Variants in ANO6 observed in about 807,000 individuals in gnomAD.
ANO6 encodes anoctamin 6, also known as anoctamin-6.
In ANO6, 106 loss-of-function variants were observed where a neutral mutation model predicts 117.5. The ratio of observed to expected loss-of-function variants is 0.90; its 90% CI spans 0.77 to 1.06. The LOEUF is 1.06. Ranked by LOEUF, ANO6 falls within the 50% of genes least tolerant of loss-of-function variation. ANO6 has a pLI of 0.00. For synonymous variants in ANO6, 367 were observed against 385.1 expected (o/e 0.95, Z 0.55); for missense variants, 955 against 1,121.1 (o/e 0.85, Z 2.12).
In ANO6 at chr12:45,235,696, A is replaced by G. The variant is rs899852586; in HGVS notation, c.70+19305A>G. Among the ~76,000 whole-genome samples, 8 of 152,282 alleles carry G rather than the reference A, an allele frequency of 5.3e-5. No individual in the cohort carries two copies. The South Asian group carries it at 1.5e-3, about 28-fold the overall frequency. On this transcript the variant is annotated intron_variant, in intron 1 of 19. Transcript: ENST00000320560. ...GATATTTTCTCAGTCTTGTGCAAAAACAGCTTCAAGAAAAGTCCCCTAGTC... is the reference window on the plus strand; with the variant it reads ...GATATTTTCTCAGTCTTGTGCAAAAGCAGCTTCAAGAAAAGTCCCCTAGTC...
chr12:45,270,652 T>G (rs1938366141), intron 1 of ANO6: 1 of 449,012 alleles, frequency 2.2e-6, no homozygotes, highest in Middle Eastern at 2.9e-4. Context: ...CAGATAATAT[T>G]TGTTGAATTG....
chr12:45,386,451 G>A (rs1291949467), intron 10 of ANO6, among the ~76,000 whole-genome samples: 1 of 152,166 alleles, frequency 6.6e-6, no homozygotes, highest in Non-Finnish European at 1.5e-5. Flanking sequence ...CTAGAATTTA[G>A]GATATTGCCT....
At chr12:45,404,226 C>CT (rs1366116420) in intron 15 of ANO6, among the ~76,000 whole-genome samples, 2 of 152,188 alleles carry the variant, frequency 1.3e-5, no homozygotes, top group African/African-American at 4.8e-5. Context: ...CTTTGACTTA[C>CT]TGTTGTTTTC....
intron 9 of ANO6, among the ~76,000 whole-genome samples, chr12:45,369,482 C>T (rs1302482403): frequency 6.6e-6 from 1 of 151,494 alleles, no homozygotes; most frequent in East Asian, 1.9e-4. Flanking sequence ...CAAATATACC[C>T]CTGTGTGCAT....
Position 45,430,057 on chromosome 12 carries a change from G to A in ANO6, c.*746G>A. 3 of 985,360 alleles carry A rather than the reference G, an allele frequency of 3.0e-6. No individual in the cohort carries two copies. The highest frequency in any genetic ancestry group is 3.6e-6 in the Non-Finnish European group (3 of 829,934). The allele number at this position is 985,360 out of a possible 1,614,324, so 61.0% of individuals were successfully genotyped here. On this transcript the variant is annotated 3_prime_UTR_variant, in exon 20 of 20. Coordinates refer to ENST00000320560, the MANE Select transcript of ANO6 (RefSeq NM_001025356.3). ...ATGTTGACTGCTTTGCAGATCTCAA[G>A]GGAATAAAATGACAAAAGCAGGGAA...
chr12:45,346,926 C>G (rs1941148303), intron 3 of ANO6, 96 bp from the exon 4 acceptor site: 1 of 1,106,628 alleles, frequency 9.0e-7, no homozygotes, highest in African/African-American at 1.5e-5. Context: ...CAGGTCCACG[C>G]TAGTTTGATT....
chr12:45,348,691 G>A, intron 6 of ANO6, 60 bp downstream of exon 6: 1 of 1,257,744 alleles, frequency 8.0e-7, no homozygotes, highest in Non-Finnish European at 1.2e-6. Context: ...GTTGACAATA[G>A]CAAAGGGCTA....
intron 1 of ANO6, among the ~76,000 whole-genome samples, chr12:45,246,099 T>C (rs74080982): frequency 0.01 from 1,582 of 152,314 alleles, 31 homozygotes; most frequent in African/African-American, 0.036. Flanking sequence ...CAAGTCTGCC[T>C]GAGTGTAAGT....
intron 2 of ANO6, among the ~76,000 whole-genome samples, chr12:45,317,445 A>G (rs900229699): frequency 1.3e-5 from 2 of 151,738 alleles, no homozygotes; most frequent in Admixed American, 1.3e-4. Context: ...TGCAAAGGAC[A>G]TGAACTCATC....
In ANO6 at chr12:45,429,286, A is replaced by G. The variant is rs538268710; in HGVS notation, c.2708A>G (p.Asn903Ser). The change falls in exon 20 of 20, where the codon AAC becomes AGC. Residue 903 changes from asparagine to serine, a missense_variant. By Grantham distance (46) the Asn-to-Ser change is conservative. Coordinates refer to ENST00000320560, the MANE Select transcript of ANO6 (RefSeq NM_001025356.3). ...IAERMIEAVDNNLRPKSE is the reference protein window; with the variant it reads ...IAERMIEAVDSNLRPKSE ...GAGCGGATGATAGAAGCAGTAGATA[A>G]CAATTTACGGCCAAAATCAGAATAA... 1 of 1,613,720 alleles carries G rather than the reference A, an allele frequency of 6.2e-7. No individual in the cohort carries two copies.
intron 1 of ANO6, among the ~76,000 whole-genome samples, chr12:45,296,824 G>A (rs1319721556): frequency 3.4e-4 from 52 of 152,124 alleles, no homozygotes; most frequent in Non-Finnish European, 1.3e-4. Flanking sequence ...GACAAAAATA[G>A]GATTAAATAA....
At position 45,228,318 on chromosome 12, in the gene ANO6, ATTATTAGAGATTGG is replaced by A. The variant is rs772293463; in HGVS notation, c.70+11929_70+11942del. ...TTTTTTTTTTTTTTTTTTTTTTTTT[ATTATTAGAGATTGG>A]TCTCACTATGTTGCCCAGCTGGTCC... is the stretch of plus-strand genomic sequence containing the variant. On this transcript the variant is annotated intron_variant, in intron 1 of 19. Coordinates refer to ENST00000320560, the MANE Select transcript of ANO6 (RefSeq NM_001025356.3). The A allele has an allele frequency of 5.4e-3, 634 of 118,100 alleles. 6 individuals carry two copies. The highest frequency in any genetic ancestry group is 0.019 in the South Asian group (200 of 10,478). 7.3% of individuals were successfully genotyped at this position (118,100 alleles called of 1,614,324 possible). A position where few individuals can be genotyped will look rare whatever the true frequency, so the allele number is the denominator to read the frequency against.
intron 1 of ANO6, among the ~76,000 whole-genome samples, chr12:45,296,616 A>G (rs951939615): frequency 1.3e-5 from 2 of 152,196 alleles, no homozygotes; most frequent in East Asian, 1.9e-4. Flanking sequence ...TTTATATACA[A>G]TACTATTCTA....
intron 11 of ANO6, among the ~76,000 whole-genome samples, chr12:45,388,668 A>G (rs1942364670): frequency 6.6e-6 from 1 of 152,212 alleles, no homozygotes; most frequent in Non-Finnish European, 1.5e-5. Flanking sequence ...TTTTTCACGT[A>G]TACTTTCATT....
downstream of ANO6, among the ~76,000 whole-genome samples, chr12:45,436,974 A>AT (rs1388730004): frequency 3.3e-5 from 5 of 152,332 alleles, no homozygotes; most frequent in East Asian, 9.6e-4. Flanking sequence ...CCAAAAAAAA[A>AT]GAAATTCCAC....
chr12:45,314,907 G>T lies in ANO6; in HGVS notation c.150+12814G>T, dbSNP rs1939970877. Reference sequence around the variant, plus strand: ...TATCACAGTGGATGTATTACAGGAGGGTGCCCAAATAGCATTACATGAACA... The same window carrying T: ...TATCACAGTGGATGTATTACAGGAGTGTGCCCAAATAGCATTACATGAACA... On this transcript the variant is annotated intron_variant, in intron 2 of 19. Coordinates refer to ENST00000320560, the MANE Select transcript of ANO6 (RefSeq NM_001025356.3). Among the ~76,000 whole-genome samples, 6 of 152,194 alleles carry T rather than the reference G, an allele frequency of 3.9e-5. No homozygotes were observed. In the South Asian group the frequency reaches 1.0e-3, roughly 26 times the overall value.
chr12:45,402,857 T>A (rs1942829124), intron 13 of ANO6, among the ~76,000 whole-genome samples: 1 of 152,222 alleles, frequency 6.6e-6, no homozygotes, highest in Non-Finnish European at 1.5e-5. Context: ...TGTGGGCTAT[T>A]GTATTCCTAC....
intron 9 of ANO6, among the ~76,000 whole-genome samples, chr12:45,372,919 A>G (rs1322555196): frequency 6.6e-6 from 1 of 152,238 alleles, no homozygotes; most frequent in South Asian, 2.1e-4. Context: ...AGACTGGCAA[A>G]TTGGATAAAG....
At chr12:45,379,273 A>C (rs1942109385) in intron 10 of ANO6, among the ~76,000 whole-genome samples, 1 of 152,224 alleles carries the variant, frequency 6.6e-6, no homozygotes, top group Admixed American at 6.5e-5. Flanking sequence ...GCCTATGAAG[A>C]ATTACCAAAT....
Sources: allele counts gnomAD v4.1 joint callset (sites outside exome capture counted in the v4.1 genomes callset), GRCh38; gene constraint gnomAD v4.1.1; transcripts MANE v1.5; gene names NCBI Gene and HGNC (gene_info 2026-07-23, HGNC 2026-07-21).